The following HNF4G variants were observed in gnomAD, a reference collection of about 807,000 sequenced individuals.
The protein encoded by HNF4G is hepatocyte nuclear factor 4 gamma.
Under a neutral mutation model 50.9 loss-of-function variants are expected in HNF4G, and 21 were observed. The observed-to-expected ratio is 0.41, with a 90% CI of 0.29 to 0.59. The LOEUF (loss-of-function observed/expected upper bound fraction) is 0.59, where lower values mean the gene tolerates loss of function less well. HNF4G is among the 20% of genes least tolerant of loss of function. The probability of loss-of-function intolerance (pLI) is 0.26; values close to 1 mark genes in which losing one functional copy is unlikely to be tolerated. For missense variants in HNF4G, 527 were observed against 559.4 expected, an observed-to-expected ratio of 0.94 and a Z score of 0.58; for synonymous variants, 198 against 185.6, an observed-to-expected ratio of 1.07 and a Z score of -0.54.
At chr8:75,562,549 A>G (rs562801842) in intron 9 of HNF4G, among the ~76,000 whole-genome samples, 2 of 152,264 alleles carry the variant, frequency 1.3e-5, no homozygotes, top group East Asian at 3.9e-4. Context: ...TTATTCATAA[A>G]CTCACAAAAT....
chr8:75,421,943 G>C (rs906295988), intron 1 of HNF4G, among the ~76,000 whole-genome samples: 1 of 152,150 alleles, frequency 6.6e-6, no homozygotes, highest in African/African-American at 2.4e-5. Context: ...TTGTTTCTAT[G>C]TGTGTGTGCG....
intron 1 of HNF4G, among the ~76,000 whole-genome samples, chr8:75,427,351 G>A (rs888916470): frequency 6.6e-6 from 1 of 152,158 alleles, no homozygotes; most frequent in African/African-American, 2.4e-5. Context: ...GCTGAGGCGG[G>A]TGGATCACTT....
intron 1 of HNF4G, among the ~76,000 whole-genome samples, chr8:75,456,852 C>A (rs926115055): frequency 6.6e-6 from 1 of 151,978 alleles, no homozygotes; most frequent in Non-Finnish European, 1.5e-5. Context: ...GCGATTCCCC[C>A]ACTTCAGGCT....
At position 75,508,554 on chromosome 8, in the gene HNF4G, G is replaced by A. The variant is rs114961584; in HGVS notation, c.-24+18346G>A. Among the ~76,000 whole-genome samples the A allele has an allele frequency of 7.4e-3, 1,128 of 152,140 alleles. 13 individuals carry two copies. The highest frequency in any genetic ancestry group is 0.026 in the African/African-American group (1,061 of 41,504). On this transcript the variant is annotated intron_variant, in intron 2 of 10. Transcript: ENST00000354370. ...TTTATTCAAAAGCTATTGAAACCTC[G>A]TTTTTTCAGCTAGTAGGTATACAGC...
At chr8:75,556,970 G>C (rs1451464643) in intron 6 of HNF4G, among the ~76,000 whole-genome samples, 2 of 152,098 alleles carry the variant, frequency 1.3e-5, no homozygotes, top group South Asian at 2.1e-4. Context: ...TGAAGAAATG[G>C]AGACAGAGAA....
chr8:75,442,013 GAATCTTATAAACAC>G (rs1811298418), intron 1 of HNF4G, among the ~76,000 whole-genome samples: 1 of 152,100 alleles, frequency 6.6e-6, no homozygotes, highest in Admixed American at 6.5e-5. Context: ...TAACATAGAT[GAATCTTATAAACAC>G]AATGTTCGGG....
chr8:75,549,660 C>G, intron 3 of HNF4G, among the ~76,000 whole-genome samples: 2 of 151,024 alleles, frequency 1.3e-5, no homozygotes, highest in South Asian at 4.2e-4. Flanking sequence ...GCACAACATG[C>G]AGGCTAGTTA....
chr8:75,431,220 A>T (rs974380117), intron 1 of HNF4G, among the ~76,000 whole-genome samples: 15 of 152,158 alleles, frequency 9.9e-5, no homozygotes, highest in Admixed American at 5.9e-4. Context: ...TAGAGAGGAC[A>T]GAAAGAGAAA....
chr8:75,559,355 C>A (rs1233186483), intron 8 of HNF4G, among the ~76,000 whole-genome samples: 1 of 151,494 alleles, frequency 6.6e-6, no homozygotes, highest in Non-Finnish European at 1.5e-5. Context: ...CTCACTGCAA[C>A]CTCCGACTCC....
chr8:75,414,991 A>T (rs184694883), intron 1 of HNF4G, among the ~76,000 whole-genome samples: 4 of 152,338 alleles, frequency 2.6e-5, no homozygotes, highest in African/African-American at 9.6e-5. Flanking sequence ...TCCCACCAGT[A>T]GGGCTTGAGA....
intron 1 of HNF4G, among the ~76,000 whole-genome samples, chr8:75,412,383 T>G (rs1810521216): frequency 6.6e-6 from 1 of 152,240 alleles, no homozygotes; most frequent in Admixed American, 6.5e-5. Flanking sequence ...AAATAGTTCT[T>G]ACTTTCAAAG....
intron 2 of HNF4G, among the ~76,000 whole-genome samples, chr8:75,491,756 G>A (rs928466962): frequency 3.9e-5 from 6 of 152,148 alleles, no homozygotes; most frequent in South Asian, 2.1e-4. Flanking sequence ...GATTACAGGC[G>A]TGAGCCACCG....
chr8:75,447,388 C>T (rs376139813), intron 1 of HNF4G, among the ~76,000 whole-genome samples: 3,531 of 122,182 alleles, frequency 0.029, 102 homozygotes, highest in African/African-American at 0.089. Context: ...ACTTCATGTC[C>T]AAAACACCAA....
chr8:75,461,341 T>C, intron 1 of HNF4G, among the ~76,000 whole-genome samples: 1 of 152,122 alleles, frequency 6.6e-6, no homozygotes, highest in Admixed American at 6.6e-5. Flanking sequence ...CCTTCCGCCA[T>C]CTTCCTTCTT....
In HNF4G at chr8:75,531,800, G is replaced by T. The variant is rs185587328; in HGVS notation, c.-23-12011G>T. 5.0e-3 allele frequency among the ~76,000 whole-genome samples: 768 copies of T among 152,110 alleles called. 5 individuals are homozygous for T. Among genetic ancestry groups the T allele is most frequent in the Non-Finnish European group, 8.6e-3 (584 of 67,928 alleles). The stretch of plus-strand genomic sequence containing the variant: ...TGCATAGATTATATGCAAATACTAT[G>T]CCATTTTATACAAAATGAGCATCTG... On this transcript the variant is annotated intron_variant, in intron 2 of 10. Coordinates refer to the HNF4G transcript ENST00000354370.
At chr8:75,461,359 C>T (rs1811836359) in intron 1 of HNF4G, among the ~76,000 whole-genome samples, 1 of 152,116 alleles carries the variant, frequency 6.6e-6, no homozygotes, top group African/African-American at 2.4e-5. Context: ...CTTCAAAGCC[C>T]ACAATTTCAT....
intron 1 of HNF4G, among the ~76,000 whole-genome samples, chr8:75,450,007 T>A (rs531819321): frequency 2.0e-4 from 30 of 152,282 alleles, no homozygotes; most frequent in African/African-American, 6.3e-4. Context: ...TCCCCAATCC[T>A]TTTATTCCCC....
chr8:75,431,918 C>G (rs1029006251), intron 1 of HNF4G, among the ~76,000 whole-genome samples: 3 of 150,606 alleles, frequency 2.0e-5, no homozygotes, highest in African/African-American at 7.3e-5. Context: ...AAGAGTGAAA[C>G]TCCATCTCAA....
rs538452173 is a variant in HNF4G at position 75,556,658 on chromosome 8, G to A, written c.733+589G>A. 3.9e-5 allele frequency among the ~76,000 whole-genome samples: 6 copies of A among 152,190 alleles called. No individual in the cohort carries two copies. In the South Asian group the frequency reaches 1.0e-3, roughly 26 times the overall value. On this transcript the variant is annotated intron_variant, in intron 6 of 9. Coordinates refer to ENST00000396423, the MANE Select transcript of HNF4G (RefSeq NM_004133.5). Reference sequence around the variant, plus strand: ...TGTCTTCATTAATTGCTCCAATCCCGCTACCTTACTTAACTTAAACAGTTA... The same window carrying A: ...TGTCTTCATTAATTGCTCCAATCCCACTACCTTACTTAACTTAAACAGTTA...
Sources: allele counts gnomAD v4.1 joint callset (sites outside exome capture counted in the v4.1 genomes callset), GRCh38; gene constraint gnomAD v4.1.1; transcripts MANE v1.5; gene names NCBI Gene and HGNC (gene_info 2026-07-23, HGNC 2026-07-21).